TAFA1: variants seen among roughly 807,000 people sequenced by gnomAD.
The protein encoded by TAFA1 is chemokine-like protein TAFA-1.
A neutral mutation model predicts 18.5 loss-of-function variants in TAFA1; 4 were observed. The observed-to-expected ratio is 0.22, with a 90% CI of 0.11 to 0.49. TAFA1 has a LOEUF of 0.49. Ranked by LOEUF, TAFA1 falls within the 20% of genes least tolerant of loss-of-function variation. The pLI is 0.98. For missense variants in TAFA1, 147 were observed against 169.0 expected (o/e 0.87, Z 0.72); for synonymous variants, 56 against 55.2 (o/e 1.01, Z -0.06).
chr3:68,282,564 C>A (rs2067918742), intron 2 of TAFA1, among the ~76,000 whole-genome samples: 1 of 152,154 alleles, frequency 6.6e-6, no homozygotes, highest in South Asian at 2.1e-4. Flanking sequence ...GAATGTGAGA[C>A]AAGGAAGCAC....
intron 2 of TAFA1, among the ~76,000 whole-genome samples, chr3:68,304,892 G>T (rs2068375608): frequency 6.6e-6 from 1 of 152,018 alleles, no homozygotes; most frequent in African/African-American, 2.4e-5. Context: ...CCAGGCAAAA[G>T]GTCACCCCAG....
At chr3:68,065,110 G>C (rs985918817) in intron 2 of TAFA1, among the ~76,000 whole-genome samples, 1 of 152,050 alleles carries the variant, frequency 6.6e-6, no homozygotes, top group East Asian at 1.9e-4. Context: ...TATCTAAATT[G>C]TAACAGCCCT....
intron 2 of TAFA1, among the ~76,000 whole-genome samples, chr3:68,113,180 A>G (rs900077197): frequency 6.6e-6 from 1 of 152,180 alleles, no homozygotes; most frequent in African/African-American, 2.4e-5. Context: ...TTTGAACACT[A>G]CAGTAACTAA....
intron 2 of TAFA1, among the ~76,000 whole-genome samples, chr3:68,319,620 T>C (rs1308278050): frequency 2.0e-5 from 3 of 152,270 alleles, no homozygotes; most frequent in Admixed American, 2.0e-4. Context: ...TTTGCCATTG[T>C]TACCACTTAG....
At chr3:68,484,875 A>T (rs1165030866) in intron 3 of TAFA1, among the ~76,000 whole-genome samples, 1 of 152,220 alleles carries the variant, frequency 6.6e-6, no homozygotes, top group Non-Finnish European at 1.5e-5. Context: ...TTAAATAGAA[A>T]CTTTAAATAA....
At chr3:68,203,844 G>T (rs2066495333) in intron 2 of TAFA1, among the ~76,000 whole-genome samples, 1 of 151,550 alleles carries the variant, frequency 6.6e-6, no homozygotes, top group Admixed American at 6.6e-5. Flanking sequence ...TTTCAAAATG[G>T]TTGCTTTTCT....
At chr3:68,530,153 T>C (rs1003607075) in intron 3 of TAFA1, among the ~76,000 whole-genome samples, 8 of 152,240 alleles carry the variant, frequency 5.3e-5, no homozygotes, top group African/African-American at 1.9e-4. Context: ...AAACATTTGC[T>C]GAATTTGATT....
In TAFA1 at chr3:68,292,568, C is replaced by A. The variant is rs57887547; in HGVS notation, c.119-124712C>A. 6.6e-3 allele frequency among the ~76,000 whole-genome samples: 1,006 copies of A among 152,242 alleles called. 51 individuals are homozygous for A. In the East Asian group the frequency reaches 0.13, roughly 20 times the overall value. On this transcript the variant is annotated intron_variant, in intron 2 of 4. Transcript: ENST00000478136. ...AAAAGACAAGGTCTCACTCTATCGC[C>A]CAAGCTGGAGTGCAATGGCACAATC...
At chr3:68,024,936 G>A (rs886905638) in intron 2 of TAFA1, among the ~76,000 whole-genome samples, 5 of 151,954 alleles carry the variant, frequency 3.3e-5, no homozygotes, top group African/African-American at 9.7e-5. Context: ...CACTTCATTT[G>A]CCTCAAAACC....
At chr3:68,299,117 G>A (rs544525260) in intron 2 of TAFA1, among the ~76,000 whole-genome samples, 27 of 152,282 alleles carry the variant, frequency 1.8e-4, no homozygotes, top group East Asian at 5.8e-4. Flanking sequence ...ATGGGGATGA[G>A]GAACTTCTTG....
chr3:68,408,513 G>C (rs539472640), intron 2 of TAFA1, among the ~76,000 whole-genome samples: 2 of 152,192 alleles, frequency 1.3e-5, no homozygotes, highest in South Asian at 4.2e-4. Context: ...ATTCAGAAAA[G>C]GTTCCCGAAA....
chr3:68,399,291 G>A (rs568947951), intron 2 of TAFA1, among the ~76,000 whole-genome samples: 6 of 152,120 alleles, frequency 3.9e-5, no homozygotes, highest in Non-Finnish European at 7.4e-5. Context: ...AGTAGGGTTG[G>A]GATTTGAACC....
chr3:68,436,224 G>C (rs989670028), intron 3 of TAFA1, among the ~76,000 whole-genome samples: 1 of 152,168 alleles, frequency 6.6e-6, no homozygotes, highest in African/African-American at 2.4e-5. Flanking sequence ...CAGATAAAGT[G>C]TAATGTAGAC....
intron 3 of TAFA1, among the ~76,000 whole-genome samples, chr3:68,535,007 A>G (rs142512480): frequency 1.7e-4 from 26 of 152,322 alleles, no homozygotes; most frequent in Admixed American, 3.3e-4. Flanking sequence ...ATTTCTTCTC[A>G]TGCTAAGATC....
At chr3:68,453,904 A>G (rs550796224) in intron 3 of TAFA1, among the ~76,000 whole-genome samples, 1 of 152,242 alleles carries the variant, frequency 6.6e-6, no homozygotes, top group African/African-American at 2.4e-5. Context: ...TCACCTTGAC[A>G]CTCTGCTGGA....
intron 2 of TAFA1, among the ~76,000 whole-genome samples, chr3:68,156,925 C>T (rs1282954370): frequency 6.6e-6 from 1 of 152,092 alleles, no homozygotes; most frequent in African/African-American, 2.4e-5. Context: ...TGAGTTAGAA[C>T]TCAGATATCC....
At chr3:68,202,519 A>G (rs534890418) in intron 2 of TAFA1, among the ~76,000 whole-genome samples, 154 of 151,892 alleles carry the variant, frequency 1.0e-3, no homozygotes, top group African/African-American at 3.4e-3. Context: ...TTAGCACGCT[A>G]TACTAAAGAC....
intron 2 of TAFA1, among the ~76,000 whole-genome samples, chr3:68,296,053 A>T (rs1277459770): frequency 6.6e-6 from 1 of 152,244 alleles, no homozygotes; most frequent in Non-Finnish European, 1.5e-5. Context: ...TCTTCTTTGG[A>T]AAATGAGCAC....
intron 2 of TAFA1, among the ~76,000 whole-genome samples, chr3:68,092,594 A>T (rs1371611660): frequency 6.6e-6 from 1 of 152,138 alleles, no homozygotes; most frequent in African/African-American, 2.4e-5. Flanking sequence ...TCTGCCAGTA[A>T]ATTCCTCCTT....
Sources: gnomAD v4.1 joint callset for allele counts (sites outside exome capture counted in the v4.1 genomes callset) on GRCh38, gnomAD v4.1.1 for gene constraint, MANE v1.5 for transcripts, NCBI Gene and HGNC (gene_info 2026-07-23, HGNC 2026-07-21) for gene names.